The following OSBP2 variants were observed in gnomAD, a reference collection of about 807,000 sequenced individuals.
OSBP2 encodes oxysterol-binding protein 2.
In OSBP2, 66 loss-of-function variants were observed where a neutral mutation model predicts 96.0. That is an observed-to-expected ratio of 0.69 (90% CI 0.56 to 0.84). OSBP2 has a LOEUF of 0.84. Ranked by LOEUF, OSBP2 falls within the 40% of genes least tolerant of loss-of-function variation. The pLI, the probability that OSBP2 is intolerant of heterozygous loss-of-function variation, is 0.00. For synonymous variants in OSBP2, 525 were observed against 520.9 expected (o/e 1.01, Z -0.11); for missense variants, 1,038 against 1,222.7 (o/e 0.85, Z 2.25).
intron 2 of OSBP2, among the ~76,000 whole-genome samples, chr22:30,822,886 TC>T (rs1170288956): frequency 1.3e-5 from 2 of 152,104 alleles, no homozygotes; most frequent in Non-Finnish European, 2.9e-5. Context: ...CGGCGTGCGC[TC>T]CCGGCTTGCT....
chr22:30,707,168 C>T (rs2089267926), intron 1 of OSBP2, among the ~76,000 whole-genome samples: 1 of 152,008 alleles, frequency 6.6e-6, no homozygotes, highest in Non-Finnish European at 1.5e-5. Context: ...GTGATCTCAG[C>T]TCACTGCAAC....
intron 12 of OSBP2, chr22:30,902,323 CAAAGA>C: frequency 6.3e-7 from 1 of 1,590,556 alleles, no homozygotes; most frequent in Non-Finnish European, 8.6e-7. Context: ...TAGTCAGAGA[CAAAGA>C]CACAGATAAA....
At chr22:30,795,327 T>G (rs1159998046) in intron 2 of OSBP2, among the ~76,000 whole-genome samples, 1 of 152,146 alleles carries the variant, frequency 6.6e-6, no homozygotes, top group African/African-American at 2.4e-5. Context: ...GTTAATGTCT[T>G]TCACCATATT....
intron 2 of OSBP2, among the ~76,000 whole-genome samples, chr22:30,778,985 G>A (rs1055931078): frequency 2.0e-5 from 3 of 150,252 alleles, no homozygotes; most frequent in Admixed American, 6.7e-5. Flanking sequence ...GCAGTGAGCC[G>A]AGATTGCCCC....
chr22:30,723,798 C>T (rs991353842), intron 1 of OSBP2, among the ~76,000 whole-genome samples: 10 of 152,176 alleles, frequency 6.6e-5, no homozygotes, highest in African/African-American at 2.4e-4. Context: ...GATTTCCCAT[C>T]TACTCTCTCC....
intron 3 of OSBP2, among the ~76,000 whole-genome samples, chr22:30,878,402 G>C (rs535997430): frequency 6.6e-6 from 1 of 152,364 alleles, no homozygotes; most frequent in South Asian, 2.1e-4. Flanking sequence ...GCTGAAGGCA[G>C]GGACAGCAGA....
chr22:30,699,210 G>A (rs1298034929), intron 1 of OSBP2, among the ~76,000 whole-genome samples: 1 of 152,114 alleles, frequency 6.6e-6, no homozygotes, highest in Non-Finnish European at 1.5e-5. Flanking sequence ...CTCCCAAACT[G>A]CTGAGATTAC....
chr22:30,899,813 A>G (rs1283466451), intron 12 of OSBP2, among the ~76,000 whole-genome samples: 1 of 152,246 alleles, frequency 6.6e-6, no homozygotes, highest in Non-Finnish European at 1.5e-5. Flanking sequence ...TATCCTGGGT[A>G]TATAGAATGA....
At chr22:30,725,885 T>G (rs185840895) in intron 1 of OSBP2, among the ~76,000 whole-genome samples, 1 of 152,024 alleles carries the variant, frequency 6.6e-6, no homozygotes, top group Admixed American at 6.6e-5. Context: ...GTTCAAGTGA[T>G]TCTCATGCCT....
intron 2 of OSBP2, among the ~76,000 whole-genome samples, chr22:30,820,868 G>T (rs2038258056): frequency 6.6e-6 from 1 of 152,160 alleles, no homozygotes; most frequent in South Asian, 2.1e-4. Flanking sequence ...TAATTCTCCA[G>T]GTGAAAGAAG....
chr22:30,896,219 C>T (rs989560680), intron 12 of OSBP2, among the ~76,000 whole-genome samples: 1 of 151,942 alleles, frequency 6.6e-6, no homozygotes, highest in Non-Finnish European at 1.5e-5. Flanking sequence ...GGGGTTTCAC[C>T]ATGTTGGCCA....
At chr22:30,894,082 A>G in intron 12 of OSBP2, 81 bp downstream of exon 12, 1 of 1,310,582 alleles carries the variant, frequency 7.6e-7, no homozygotes, top group Non-Finnish European at 1.1e-6. Context: ...TGACAGGCAC[A>G]GGAGGTCGGG....
At chr22:30,802,643 A>T (rs73884440) in intron 2 of OSBP2, among the ~76,000 whole-genome samples, 86 of 152,330 alleles carry the variant, frequency 5.6e-4, no homozygotes, top group African/African-American at 2.0e-3. Flanking sequence ...GCTCGCCTTT[A>T]TCTAGCCCTC....
chr22:30,695,402 C>T lies in OSBP2; in HGVS notation c.493C>T (p.Pro165Ser). 1 of 1,613,908 alleles carries T rather than the reference C, an allele frequency of 6.2e-7. No individual in the cohort carries two copies. The highest frequency in any genetic ancestry group is 1.7e-5 in the Admixed American group (1 of 60,030). Residue 165 changes from proline (P) to serine (S), a missense_variant, in exon 1 of 14, where the codon CCA (proline) becomes TCA (serine). This residue lies in a region of OSBP2 where 281 missense variants were observed against 273.4 expected (regional missense o/e 1.03). Transcript: ENST00000332585. ...PGQAKTPLGV[P>S]MSGTGTTSSA... ...ACAGGCGAAGACTCCTCTTGGGGTTCCAATGTCGGGGACTGGCACGACCTC... is the reference window on the plus strand; with the variant it reads ...ACAGGCGAAGACTCCTCTTGGGGTTTCAATGTCGGGGACTGGCACGACCTC...
At chr22:30,734,166 G>A (rs544608714) in intron 1 of OSBP2, among the ~76,000 whole-genome samples, 1 of 152,050 alleles carries the variant, frequency 6.6e-6, no homozygotes, top group African/African-American at 2.4e-5. Context: ...GTAGAGACGG[G>A]GTTTCACCAT....
Position 30,906,024 on chromosome 22 carries a change from C to T in OSBP2, c.2563C>T (p.Arg855Trp), listed in dbSNP as rs2040327551. 6.4e-7 allele frequency: 1 copy of T among 1,560,228 alleles called. No individual in the cohort carries two copies. The highest frequency in any genetic ancestry group is 8.7e-7 in the Non-Finnish European group (1 of 1,153,258). The change falls in exon 13 of 14, where the codon CGG becomes TGG. Residue 855 changes from arginine to tryptophan, a missense_variant. Arg to Trp is a moderately radical substitution (Grantham distance 101). Around this residue, in one of 3 missense-constraint regions of OSBP2, gnomAD observed 737 missense variants for 913.3 expected, o/e 0.81. Transcript: ENST00000332585. Reference protein sequence around the residue: ...EEKQRLSRRRRLEACGPGSSC... With the variant: ...EEKQRLSRRRWLEACGPGSSC... ...GAAGCAGCGCCTGTCGCGGCGCCGGCGGCTGGAGGCCTGCGGGCCGGGCAG... is the reference window on the plus strand; with the variant it reads ...GAAGCAGCGCCTGTCGCGGCGCCGGTGGCTGGAGGCCTGCGGGCCGGGCAG...
chr22:30,848,188 G>A (rs552194151), intron 2 of OSBP2, among the ~76,000 whole-genome samples: 32 of 152,152 alleles, frequency 2.1e-4, no homozygotes, highest in Admixed American at 5.9e-4. Flanking sequence ...CATTTAGGGC[G>A]TTTCCAGATG....
At chr22:30,709,120 T>C (rs536337195) in intron 1 of OSBP2, among the ~76,000 whole-genome samples, 10 of 151,994 alleles carry the variant, frequency 6.6e-5, no homozygotes, top group Admixed American at 3.9e-4. Context: ...AATAATAAAA[T>C]AAATAAATAA....
At chr22:30,885,102 T>C (rs2039782394) in intron 3 of OSBP2, among the ~76,000 whole-genome samples, 2 of 152,128 alleles carry the variant, frequency 1.3e-5, no homozygotes, top group Non-Finnish European at 2.9e-5. Context: ...CCTCCTGATA[T>C]TTCCTCAACA....
Sources: gnomAD v4.1 joint callset for allele counts (sites outside exome capture counted in the v4.1 genomes callset) on GRCh38, gnomAD v4.1.1 for gene constraint, gnomAD v4.1.1 regional missense constraint, MANE v1.5 for transcripts, NCBI Gene and HGNC (gene_info 2026-07-23, HGNC 2026-07-21) for gene names.